The following LUZP2 variants were observed in gnomAD, a reference collection of about 807,000 sequenced individuals.
The protein encoded by LUZP2 is leucine zipper protein 2.
Under a neutral mutation model 51.6 loss-of-function variants are expected in LUZP2, and 52 were observed. That is an observed-to-expected ratio of 1.01 (90% CI 0.81 to 1.27). The LOEUF (loss-of-function observed/expected upper bound fraction) is 1.27. Among genes scored for constraint, LUZP2 ranks in the 50% most tolerant of loss-of-function variants. The pLI, the probability that LUZP2 is intolerant of heterozygous loss-of-function variation, is 0.00. For missense variants in LUZP2, 436 were observed against 395.4 expected, an observed-to-expected ratio of 1.10 and a Z score of -0.87; for synonymous variants, 154 against 137.3, an observed-to-expected ratio of 1.12 and a Z score of -0.85.
At chr11:24,986,537 CTGTGTG>C (rs61367765) in intron 9 of LUZP2, among the ~76,000 whole-genome samples, 69 of 145,796 alleles carry the variant, frequency 4.7e-4, no homozygotes, top group East Asian at 1.8e-3. Flanking sequence ...TAGCATGCCT[CTGTGTG>C]TGTGTGTGTG....
chr11:24,785,193 C>T (rs1344465791), intron 5 of LUZP2, among the ~76,000 whole-genome samples: 2 of 152,024 alleles, frequency 1.3e-5, no homozygotes, highest in Non-Finnish European at 2.9e-5. Flanking sequence ...ACATTTAGTA[C>T]ACATATCTAT....
chr11:24,989,052 A>G (rs1465065236), intron 9 of LUZP2, among the ~76,000 whole-genome samples: 1 of 151,250 alleles, frequency 6.6e-6, no homozygotes, highest in Admixed American at 6.6e-5. Flanking sequence ...TGGAGCAGTG[A>G]GGGAAGAAAG....
chr11:24,966,724 G>A (rs1855593808), intron 7 of LUZP2, among the ~76,000 whole-genome samples: 1 of 147,108 alleles, frequency 6.8e-6, no homozygotes, highest in Non-Finnish European at 1.5e-5. Flanking sequence ...TAATGTGTGT[G>A]CATGTGCAAA....
intron 1 of LUZP2, among the ~76,000 whole-genome samples, chr11:24,547,664 G>T (rs1851599569): frequency 6.6e-6 from 1 of 151,792 alleles, no homozygotes; most frequent in African/African-American, 2.4e-5. Context: ...ATAGGCCCTG[G>T]TAAAACCTTC....
intron 5 of LUZP2, among the ~76,000 whole-genome samples, chr11:24,788,120 T>C (rs1260904237): frequency 6.6e-6 from 1 of 152,064 alleles, no homozygotes; most frequent in Non-Finnish European, 1.5e-5. Context: ...TGAAATTCTG[T>C]AAATTTAACA....
chr11:25,051,891 C>G (rs1858528102), intron 10 of LUZP2, among the ~76,000 whole-genome samples: 1 of 152,030 alleles, frequency 6.6e-6, no homozygotes, highest in South Asian at 2.1e-4. Flanking sequence ...TTATTGAAGC[C>G]TCCTTCAAAT....
chr11:24,837,196 A>C (rs1323959257), intron 5 of LUZP2, among the ~76,000 whole-genome samples: 2 of 151,776 alleles, frequency 1.3e-5, no homozygotes, highest in Non-Finnish European at 3.0e-5. Context: ...TATTTTTTAT[A>C]CTTTCCTTTT....
At chr11:24,760,693 CT>C (rs1343294676) in intron 4 of LUZP2, among the ~76,000 whole-genome samples, 1 of 152,052 alleles carries the variant, frequency 6.6e-6, no homozygotes, top group Non-Finnish European at 1.5e-5. Context: ...TGTTGTAAAA[CT>C]TCTGATGGAT....
At chr11:24,826,826 G>A (rs2134170067) in intron 5 of LUZP2, among the ~76,000 whole-genome samples, 1 of 151,800 alleles carries the variant, frequency 6.6e-6, no homozygotes, top group East Asian at 1.9e-4. Flanking sequence ...AAAATTAAAG[G>A]CAAAAGAATA....
Position 24,645,268 on chromosome 11 carries a change from A to T in LUZP2, c.63-83901A>T, listed in dbSNP as rs141683314. Among the ~76,000 whole-genome samples, 1,201 of 152,278 alleles carry T rather than the reference A, an allele frequency of 7.9e-3. 8 individuals are homozygous for T. Among genetic ancestry groups the T allele is most frequent in the Middle Eastern group, 0.024 (7 of 294 alleles). On this transcript the variant is annotated intron_variant, in intron 1 of 11. Coordinates refer to ENST00000336930, the MANE Select transcript of LUZP2 (RefSeq NM_001009909.4). The stretch of plus-strand genomic sequence containing the variant: ...CCACCTCCCTTTCCATTGAAGACAA[A>T]GAGAAAAAGAGAAAGAGGGAGAGAA...
chr11:24,696,194 G>T (rs2133898925), intron 1 of LUZP2, among the ~76,000 whole-genome samples: 1 of 152,144 alleles, frequency 6.6e-6, no homozygotes, highest in South Asian at 2.1e-4. Context: ...AAGAAAACCA[G>T]ATTGACTATT....
At chr11:24,834,835 A>T (rs1850811651) in intron 5 of LUZP2, among the ~76,000 whole-genome samples, 1 of 152,132 alleles carries the variant, frequency 6.6e-6, no homozygotes, top group Non-Finnish European at 1.5e-5. Flanking sequence ...GCATTTCTCT[A>T]ATGACCAGTG....
intron 7 of LUZP2, among the ~76,000 whole-genome samples, chr11:24,960,686 T>A (rs1212117592): frequency 1.3e-5 from 2 of 152,186 alleles, no homozygotes; most frequent in Non-Finnish European, 2.9e-5. Context: ...CTTGAGCCTT[T>A]CAAAAAACCA....
intron 9 of LUZP2, among the ~76,000 whole-genome samples, chr11:25,004,582 C>A (rs1013148579): frequency 6.6e-6 from 1 of 152,140 alleles, no homozygotes; most frequent in African/African-American, 2.4e-5. Context: ...AATCAATTGA[C>A]CCTCGAGTGA....
intron 5 of LUZP2, among the ~76,000 whole-genome samples, chr11:24,832,858 A>T (rs903473906): frequency 2.6e-5 from 4 of 152,126 alleles, no homozygotes. Context: ...AAATGGACAG[A>T]TAGATAGATA....
rs1854130486 is a variant in LUZP2 at position 24,611,737 on chromosome 11, C to T, written c.62+114432C>T. 1.3e-5 allele frequency among the ~76,000 whole-genome samples: 2 copies of T among 152,136 alleles called. No homozygotes were observed. The highest frequency in any genetic ancestry group is 6.5e-5 in the Admixed American group (1 of 15,274). On this transcript the variant is annotated intron_variant, in intron 1 of 11. Coordinates refer to ENST00000336930, the MANE Select transcript of LUZP2 (RefSeq NM_001009909.4). This position sits in a 1 kb window ranked among gnomAD's most constrained non-coding sequence, Gnocchi z 4.6. ...GCCAGATATTAACTCTTTCACTCCT[C>T]ACACCAAGCCAAGATATAACTACCT...
chr11:24,892,289 A>T (rs1852883417), intron 5 of LUZP2: 1 of 985,306 alleles, frequency 1.0e-6, no homozygotes, highest in African/African-American at 1.7e-5. Context: ...AGGAAGGAGC[A>T]CCTGAAGACT....
At chr11:24,886,994 T>C (rs1852686046) in intron 5 of LUZP2, among the ~76,000 whole-genome samples, 1 of 152,178 alleles carries the variant, frequency 6.6e-6, no homozygotes, top group Admixed American at 6.5e-5. Context: ...GTGAATGTCC[T>C]AATGCCTATT....
chr11:25,029,606 G>T (rs1230643290), intron 9 of LUZP2, among the ~76,000 whole-genome samples: 1 of 151,704 alleles, frequency 6.6e-6, no homozygotes, highest in African/African-American at 2.4e-5. Flanking sequence ...GCATGGTGGT[G>T]GGCACCTGTA....
Sources: gnomAD v4.1 joint callset for allele counts (sites outside exome capture counted in the v4.1 genomes callset) on GRCh38, gnomAD v4.1.1 for gene constraint, Gnocchi (gnomAD v3.1) non-coding constraint, MANE v1.5 for transcripts, NCBI Gene and HGNC (gene_info 2026-07-23, HGNC 2026-07-21) for gene names.